The following FAM20C variants were observed in gnomAD, a reference collection of about 807,000 sequenced individuals.
FAM20C encodes the protein extracellular serine/threonine protein kinase FAM20C.
FAM20C carries 40 observed loss-of-function variants against 51.5 expected under a neutral mutation model. That is an observed-to-expected ratio of 0.78 (90% confidence interval 0.60 to 1.01). The LOEUF (loss-of-function observed/expected upper bound fraction) is 1.01. Among genes scored for constraint, FAM20C ranks in the 50% least tolerant of loss-of-function variants. The pLI, the probability that FAM20C is intolerant of heterozygous loss-of-function variation, is 0.00. For missense variants in FAM20C, 861 were observed against 844.7 expected (o/e 1.02, Z -0.24); for synonymous variants, 406 against 380.6 (o/e 1.07, Z -0.78).
intron 2 of FAM20C, among the ~76,000 whole-genome samples, chr7:207,247 C>G (rs71516501): frequency 3.2e-4 from 2 of 6,320 alleles, no homozygotes; most frequent in African/African-American, 1.3e-3. Flanking sequence ...CCCTCGGCCC[C>G]GCACACGTGT....
At chr7:215,365 G>A (rs868493012) in intron 3 of FAM20C, among the ~76,000 whole-genome samples, 1 of 558 alleles carries the variant, frequency 1.8e-3, no homozygotes, top group Admixed American at 0.015. Flanking sequence ...GGGCTGGGTG[G>A]GGGGAGCAGG....
intron 3 of FAM20C, among the ~76,000 whole-genome samples, chr7:217,100 C>T (rs987773708): frequency 1.6e-4 from 25 of 152,280 alleles, no homozygotes; most frequent in Non-Finnish European, 3.1e-4. Context: ...AGCGAAGGGG[C>T]CCAAGAGGAG....
At chr7:195,765 G>T in intron 2 of FAM20C, 33 bp downstream of exon 2, 1 of 1,512,564 alleles carries the variant, frequency 6.6e-7, no homozygotes, top group Non-Finnish European at 8.9e-7. Context: ...AGGGCCGTCT[G>T]TGTGCCGGCT....
chr7:257,824 C>T (rs866724052), intron 8 of FAM20C, among the ~76,000 whole-genome samples: 2,010 of 114,508 alleles, frequency 0.018, 82 homozygotes, highest in African/African-American at 0.066. Context: ...GCCCGGGGTG[C>T]TGGAGATGGG....
intron 9 of FAM20C, among the ~76,000 whole-genome samples, chr7:259,183 C>T (rs1292205957): frequency 1.3e-5 from 2 of 152,198 alleles, no homozygotes; most frequent in African/African-American, 2.4e-5. Context: ...GAGCTGGGGT[C>T]GGTCTCCTGG....
In FAM20C at chr7:206,656, G is replaced by A. The variant is rs549458429; in HGVS notation, c.785-2242G>A. ...GCCCCGCACACGTGTCCACTGTGAC[G>A]CGTCGGTCACTGTCCCCTCGGCCCC... On this transcript the variant is annotated intron_variant, in intron 2 of 9. Transcript: ENST00000313766. Among the ~76,000 whole-genome samples the A allele has an allele frequency of 4.0e-4, 58 of 143,260 alleles. 2 individuals carry two copies. Among genetic ancestry groups the A allele is most frequent in the African/African-American group, 1.5e-3 (57 of 37,762 alleles). The allele number at this position is 143,260 out of a possible 152,430, so 94.0% of individuals were successfully genotyped here. A position where few individuals can be genotyped will look rare whatever the true frequency, so the allele number is the denominator to read the frequency against.
At chr7:226,931 C>G (rs1458056314) in intron 3 of FAM20C, among the ~76,000 whole-genome samples, 2 of 152,068 alleles carry the variant, frequency 1.3e-5, no homozygotes, top group African/African-American at 4.8e-5. Context: ...GGCCCTGCAC[C>G]CACTTTACCG....
At chr7:205,363 C>T (rs540010167) in intron 2 of FAM20C, among the ~76,000 whole-genome samples, 1 of 129,514 alleles carries the variant, frequency 7.7e-6, no homozygotes, top group East Asian at 2.4e-4. Context: ...ACGTCAGCCT[C>T]TGAGTAGCTG....
In FAM20C at chr7:259,817, G is replaced by A. The variant is rs1216009504; in HGVS notation, c.1592G>A (p.Gly531Glu). The A allele has an allele frequency of 2.0e-6, 3 of 1,536,504 alleles. No homozygotes were observed. The highest frequency in any genetic ancestry group is 1.4e-5 in the African/African-American group (1 of 73,188). ...CTGCTGATGGCCGAGTCTCTGCGGG[G>A]GGACCAGGTGGCACCCGTGCTGTAC... is the stretch of plus-strand genomic sequence containing the variant. ...LSLLMAESLRGDQVAPVLYQP... is the reference protein window; with the variant it reads ...LSLLMAESLREDQVAPVLYQP... The change falls in exon 10 of 10, where the codon GGG becomes GAG. Residue 531 changes from glycine (G) to glutamate (E), a missense_variant. Transcript: ENST00000313766.
At chr7:202,239 G>A (rs1377217156) in intron 2 of FAM20C, among the ~76,000 whole-genome samples, 1 of 151,916 alleles carries the variant, frequency 6.6e-6, no homozygotes, top group East Asian at 1.9e-4. Context: ...TGGGGCTTGT[G>A]GACATCTTCC....
chr7:257,192 G>A, intron 8 of FAM20C, 106 bp downstream of exon 8: 1 of 1,102,302 alleles, frequency 9.1e-7, no homozygotes, highest in Non-Finnish European at 1.3e-6. Flanking sequence ...CCCTCCAGTG[G>A]AGGGATGGGA....
intron 3 of FAM20C, among the ~76,000 whole-genome samples, chr7:231,180 T>G (rs972987040): frequency 5.9e-5 from 9 of 152,106 alleles, no homozygotes. Context: ...CCAACCATCA[T>G]GCAGACGGGA....
At chr7:244,170 T>G (rs1788056729) in intron 3 of FAM20C, among the ~76,000 whole-genome samples, 2 of 152,052 alleles carry the variant, frequency 1.3e-5, no homozygotes, top group South Asian at 4.1e-4. Flanking sequence ...CCTGGACTCA[T>G]GCTGGGCCGT....
At chr7:214,238 T>C (rs1025912166) in intron 3 of FAM20C, among the ~76,000 whole-genome samples, 9 of 151,778 alleles carry the variant, frequency 5.9e-5, no homozygotes, top group African/African-American at 2.2e-4. Context: ...GGCAGGAGAA[T>C]CGCTTGAACC....
At chr7:209,041 C>A in intron 3 of FAM20C, 65 bp downstream of exon 3, 2 of 1,499,980 alleles carry the variant, frequency 1.3e-6, no homozygotes, top group Non-Finnish European at 1.8e-6. Flanking sequence ...AGGCGCCGGG[C>A]TTCTGCTGGG....
intron 3 of FAM20C, 46 bp from the exon 4 acceptor site, chr7:246,369 G>T (rs574747123): frequency 1.3e-6 from 2 of 1,491,062 alleles, no homozygotes; most frequent in Non-Finnish European, 1.8e-6. Context: ...GCCCCTGGAG[G>T]CTTTCTCAGT....
At chr7:232,809 C>T (rs1179814931) in intron 3 of FAM20C, among the ~76,000 whole-genome samples, 1 of 152,344 alleles carries the variant, frequency 6.6e-6, no homozygotes, top group East Asian at 1.9e-4. Context: ...ACGGGGCACC[C>T]GGCGTGGTGT....
intron 2 of FAM20C, among the ~76,000 whole-genome samples, chr7:201,037 C>T (rs1485899379): frequency 2.0e-5 from 3 of 152,242 alleles, no homozygotes; most frequent in African/African-American, 7.2e-5. Flanking sequence ...ACCGAGCAGA[C>T]CTCTCTGGCT....
At chr7:217,391 A>C (rs1787040482) in intron 3 of FAM20C, among the ~76,000 whole-genome samples, 1 of 152,256 alleles carries the variant, frequency 6.6e-6, no homozygotes, top group Non-Finnish European at 1.5e-5. Context: ...GGTGAGCTCC[A>C]GCCCCTCCCG....
Sources: gnomAD v4.1 joint callset for allele counts (sites outside exome capture counted in the v4.1 genomes callset) on GRCh38, gnomAD v4.1.1 for gene constraint, MANE v1.5 for transcripts, NCBI Gene and HGNC (gene_info 2026-07-23, HGNC 2026-07-21) for gene names.